SMC5: variants seen among roughly 807,000 people sequenced by gnomAD.
The protein encoded by SMC5 is structural maintenance of chromosomes protein 5.
A neutral mutation model predicts 148.3 loss-of-function variants in SMC5; 88 were observed. That is an observed-to-expected ratio of 0.59 (90% CI 0.50 to 0.71). The LOEUF (loss-of-function observed/expected upper bound fraction) is 0.71. Ranked by LOEUF, SMC5 falls within the 30% of genes least tolerant of loss-of-function variation. SMC5 has a pLI of 0.00. For synonymous variants in SMC5, 421 were observed against 432.8 expected (o/e 0.97, Z 0.34); for missense variants, 1,142 against 1,298.9 (o/e 0.88, Z 1.86).
intron 15 of SMC5, among the ~76,000 whole-genome samples, chr9:70,323,222 T>C (rs985189637): frequency 6.6e-6 from 1 of 152,222 alleles, no homozygotes; most frequent in African/African-American, 2.4e-5. Context: ...TTAGGATTAT[T>C]GTGTTGTGTT....
chr9:70,316,458 G>A lies in SMC5; in HGVS notation c.1806+880G>A, dbSNP rs1587685142. ...TTTTGCAAAAACAAGTTACTTAACA[G>A]TAACTTGATTAGAATTATATCATAT... On this transcript the variant is annotated intron_variant, in intron 13 of 24. Transcript: ENST00000361138. 4.3e-5 allele frequency among the ~76,000 whole-genome samples: 6 copies of A among 138,850 alleles called. No homozygotes were observed. The South Asian group carries it at 1.3e-3, about 30-fold the overall frequency. 91.1% of individuals were successfully genotyped at this position (138,850 alleles called of 152,430 possible). A position where few individuals can be genotyped will look rare whatever the true frequency, so the allele number is the denominator to read the frequency against.
At chr9:70,261,768 TGAA>T (rs1216227129) in intron 1 of SMC5, among the ~76,000 whole-genome samples, 1 of 151,988 alleles carries the variant, frequency 6.6e-6, no homozygotes, top group Non-Finnish European at 1.5e-5. Flanking sequence ...AAGGGTGAAC[TGAA>T]GAAGGACTCA....
At chr9:70,283,390 C>G (rs943406082) in intron 7 of SMC5, among the ~76,000 whole-genome samples, 4 of 152,146 alleles carry the variant, frequency 2.6e-5, no homozygotes, top group Non-Finnish European at 5.9e-5. Flanking sequence ...TCACTTGCGC[C>G]TACGAGGCAG....
At chr9:70,298,988 A>G (rs559133598) in intron 9 of SMC5, among the ~76,000 whole-genome samples, 17 of 151,926 alleles carry the variant, frequency 1.1e-4, no homozygotes, top group East Asian at 3.9e-4. Context: ...TGGGATTATT[A>G]ATAATGATTT....
chr9:70,284,913 A>G (rs1176333451), intron 7 of SMC5, among the ~76,000 whole-genome samples: 1 of 151,842 alleles, frequency 6.6e-6, no homozygotes, highest in Non-Finnish European at 1.5e-5. Flanking sequence ...AATTCCAGGC[A>G]GGTGATGAAG....
At chr9:70,265,805 C>T (rs2034273898) in intron 2 of SMC5, among the ~76,000 whole-genome samples, 1 of 152,196 alleles carries the variant, frequency 6.6e-6, no homozygotes, top group Non-Finnish European at 1.5e-5. Flanking sequence ...AGTTTTAATT[C>T]ACTGGAAGAT....
chr9:70,301,075 CAT>C (rs1201948005), intron 10 of SMC5, among the ~76,000 whole-genome samples: 2 of 152,018 alleles, frequency 1.3e-5, no homozygotes, highest in African/African-American at 2.4e-5. Flanking sequence ...CTCTTATTCA[CAT>C]ATGTGTTATT....
chr9:70,328,580 C>G (rs2118692140), intron 17 of SMC5, among the ~76,000 whole-genome samples: 1 of 152,322 alleles, frequency 6.6e-6, no homozygotes, highest in South Asian at 2.1e-4. Flanking sequence ...ACCCCTGTGG[C>G]TCGGCAGGGT....
At chr9:70,296,619 C>G (rs2035209291) in intron 8 of SMC5, among the ~76,000 whole-genome samples, 1 of 151,282 alleles carries the variant, frequency 6.6e-6, no homozygotes. Flanking sequence ...TGTTATAAGT[C>G]TCTATTTTCA....
At chr9:70,333,737 AGAAAG>A (rs967111013) in intron 17 of SMC5, among the ~76,000 whole-genome samples, 1 of 152,200 alleles carries the variant, frequency 6.6e-6, no homozygotes, top group Non-Finnish European at 1.5e-5. Flanking sequence ...TCCCAAAAAA[AGAAAG>A]GAAAAAAATA....
At chr9:70,305,762 C>A (rs772630958) in intron 11 of SMC5, among the ~76,000 whole-genome samples, 1 of 151,988 alleles carries the variant, frequency 6.6e-6, no homozygotes, top group Non-Finnish European at 1.5e-5. Flanking sequence ...ATAAATAAAA[C>A]GTCTTTAAAA....
chr9:70,352,501 GCA>G lies in SMC5; in HGVS notation c.*171_*172del. On this transcript the variant is annotated 3_prime_UTR_variant, in exon 25 of 25. Transcript: ENST00000361138. Reference sequence around the variant, plus strand: ...AAACTATAATGACCTTTCCAAAATAGCAGCTGGTAGTAAAAGTTAAGTCTTCT... The same window carrying G: ...AAACTATAATGACCTTTCCAAAATAGGCTGGTAGTAAAAGTTAAGTCTTCT... The G allele has an allele frequency of 1.7e-6, 1 of 592,256 alleles. No individual in the cohort carries two copies. The highest frequency in any genetic ancestry group is 2.8e-6 in the Non-Finnish European group (1 of 363,354). 36.7% of individuals were successfully genotyped at this position (592,256 alleles called of 1,614,324 possible). A position where few individuals can be genotyped will look rare whatever the true frequency, so the allele number is the denominator to read the frequency against.
At chr9:70,280,387 T>G (rs939553149) in intron 5 of SMC5, among the ~76,000 whole-genome samples, 2 of 152,266 alleles carry the variant, frequency 1.3e-5, no homozygotes, top group Non-Finnish European at 2.9e-5. Context: ...TTCATTTGTA[T>G]ATCACTTTTA....
At chr9:70,302,467 T>A (rs2035383301) in intron 10 of SMC5, among the ~76,000 whole-genome samples, 1 of 151,124 alleles carries the variant, frequency 6.6e-6, no homozygotes, top group Non-Finnish European at 1.5e-5. Flanking sequence ...CAATCCAGCC[T>A]GGCGACAGAG....
At chr9:70,269,420 A>G (rs2034384357) in intron 3 of SMC5, among the ~76,000 whole-genome samples, 1 of 152,034 alleles carries the variant, frequency 6.6e-6, no homozygotes, top group South Asian at 2.1e-4. Context: ...CATCTCTACA[A>G]AAAATACAAA....
intron 1 of SMC5, among the ~76,000 whole-genome samples, chr9:70,261,576 A>G (rs771109272): frequency 6.6e-6 from 1 of 152,222 alleles, no homozygotes; most frequent in Non-Finnish European, 1.5e-5. Context: ...TCTAAGAGAG[A>G]TGTTCTATAG....
At chr9:70,282,913 T>A (rs2034790962) in intron 7 of SMC5, among the ~76,000 whole-genome samples, 1 of 152,208 alleles carries the variant, frequency 6.6e-6, no homozygotes, top group South Asian at 2.1e-4. Flanking sequence ...TACACCCTTT[T>A]GAAGGAGGGC....
Position 70,315,434 on chromosome 9 carries a change from T to C in SMC5, c.1674-12T>C. On this transcript the variant is annotated splice_polypyrimidine_tract_variant and intron_variant, in intron 12 of 24. Transcript: ENST00000361138. ...TTAAGAAGAAAAATCTAATCAATAC[T>C]TTTCCTTTCAGACAATACGGATTTT... 6.5e-7 allele frequency: 1 copy of C among 1,541,440 alleles called. No individual in the cohort carries two copies. Among genetic ancestry groups the C allele is most frequent in the Non-Finnish European group, 8.8e-7 (1 of 1,141,500 alleles).
At position 70,314,818 on chromosome 9, in the gene SMC5, G is replaced by A. The variant is rs762589335; in HGVS notation, c.1655G>A (p.Arg552Lys). 3 of 1,552,994 alleles carry A rather than the reference G, an allele frequency of 1.9e-6. No individual in the cohort carries two copies. The South Asian group carries it at 3.7e-5, about 19-fold the overall frequency. ...KSSYADKAPS[R>K]SLNELKQYGF... Reference sequence around the variant, plus strand: ...TCATATGCAGACAAAGCACCTTCAAGATCTTTGAATGAACTTAAGTAAGTC... The same window carrying A: ...TCATATGCAGACAAAGCACCTTCAAAATCTTTGAATGAACTTAAGTAAGTC... The change falls in exon 12 of 25, where the codon AGA becomes AAA. Residue 552 changes from arginine (R) to lysine (K), a missense_variant. Physicochemically the swap from Arg to Lys is conservative, Grantham distance 26. Around this residue, in one of 5 missense-constraint regions of SMC5, gnomAD observed 743 missense variants for 835.7 expected, o/e 0.89. Transcript: ENST00000361138.
Sources: allele counts gnomAD v4.1 joint callset (sites outside exome capture counted in the v4.1 genomes callset), GRCh38; gene constraint gnomAD v4.1.1; regional missense constraint gnomAD v4.1.1; transcripts MANE v1.5; gene names NCBI Gene and HGNC (gene_info 2026-07-23, HGNC 2026-07-21).